The following DCLK2 variants were observed in gnomAD, a reference collection of about 807,000 sequenced individuals.
The protein encoded by DCLK2 is doublecortin like kinase 2, also known as serine/threonine-protein kinase DCLK2.
A neutral mutation model predicts 78.4 loss-of-function variants in DCLK2; 31 were observed. The ratio of observed to expected loss-of-function variants is 0.40; its 90% CI spans 0.30 to 0.53. DCLK2 has a LOEUF of 0.53. Ranked by LOEUF, DCLK2 falls within the 20% of genes least tolerant of loss-of-function variation. The pLI, the probability that DCLK2 is intolerant of heterozygous loss-of-function variation, is 0.61. For synonymous variants in DCLK2, 407 were observed against 374.9 expected (o/e 1.09, Z -0.99); for missense variants, 872 against 973.7 (o/e 0.90, Z 1.39).
chr4:150,198,113 G>A lies in DCLK2; in HGVS notation c.961+10G>A, dbSNP rs1045204719. On this transcript the variant is annotated intron_variant, in intron 4 of 15. Transcript: ENST00000296550. The stretch of plus-strand genomic sequence containing the variant: ...AAATCACCAGCTTCAGGTAGTTAAT[G>A]GAAAAGGAATAGATGGTCATAGCAG... 2 of 1,608,260 alleles carry A rather than the reference G, an allele frequency of 1.2e-6. No individual in the cohort carries two copies. Among genetic ancestry groups the A allele is most frequent in the Non-Finnish European group, 1.7e-6 (2 of 1,175,644 alleles).
At chr4:150,111,030 T>C (rs1288224456) in intron 2 of DCLK2, among the ~76,000 whole-genome samples, 2 of 152,212 alleles carry the variant, frequency 1.3e-5, no homozygotes, top group African/African-American at 4.8e-5. Context: ...AAATGGTAGA[T>C]CTACTTTTAG....
At chr4:150,098,085 T>G (rs4835620) in intron 1 of DCLK2, among the ~76,000 whole-genome samples, 150,611 of 152,230 alleles carry the variant, frequency 0.99, 74,511 homozygotes, top group East Asian at 1. Flanking sequence ...CTCTGGCTGA[T>G]TAATATTAGG....
intron 2 of DCLK2, among the ~76,000 whole-genome samples, chr4:150,138,912 C>T (rs964519086): frequency 2.2e-4 from 33 of 152,044 alleles, no homozygotes; most frequent in African/African-American, 7.2e-4. Context: ...GATCTGCCCG[C>T]CTTGGCCTCC....
At chr4:150,252,759 A>G (rs1348665043) in intron 15 of DCLK2, among the ~76,000 whole-genome samples, 1 of 152,150 alleles carries the variant, frequency 6.6e-6, no homozygotes, top group African/African-American at 2.4e-5. Flanking sequence ...TAAATGTTGT[A>G]TGTTTATGTG....
intron 1 of DCLK2, among the ~76,000 whole-genome samples, chr4:150,082,000 A>C (rs1224588689): frequency 6.7e-6 from 1 of 150,104 alleles, no homozygotes; most frequent in Admixed American, 6.6e-5. Flanking sequence ...TCTGTCTCAA[A>C]AAAAAAAAAA....
intron 2 of DCLK2, among the ~76,000 whole-genome samples, chr4:150,138,993 T>A (rs1381950278): frequency 2.5e-4 from 37 of 145,920 alleles, no homozygotes; most frequent in African/African-American, 6.0e-4. Flanking sequence ...TTTTTAAATT[T>A]AAAAAAAAAA....
At chr4:150,194,805 T>C (rs1738741984) in intron 3 of DCLK2, among the ~76,000 whole-genome samples, 1 of 152,082 alleles carries the variant, frequency 6.6e-6, no homozygotes, top group Non-Finnish European at 1.5e-5. Flanking sequence ...ATTAGAGAAC[T>C]GTACTACCAA....
At chr4:150,108,380 A>C (rs1041269622) in intron 2 of DCLK2, among the ~76,000 whole-genome samples, 12 of 151,212 alleles carry the variant, frequency 7.9e-5, no homozygotes. Flanking sequence ...GTCTCTACTA[A>C]AAATACAAAA....
At chr4:150,095,926 G>A (rs1381775997) in intron 1 of DCLK2, among the ~76,000 whole-genome samples, 1 of 152,234 alleles carries the variant, frequency 6.6e-6, no homozygotes, top group Non-Finnish European at 1.5e-5. Context: ...ATGCTGATAT[G>A]ACACTAATGT....
intron 2 of DCLK2, among the ~76,000 whole-genome samples, chr4:150,140,686 G>A (rs1258460132): frequency 2.6e-5 from 4 of 152,052 alleles, no homozygotes; most frequent in East Asian, 1.9e-4. Flanking sequence ...CTTTTCACAG[G>A]AATCCATGTA....
In DCLK2 at chr4:150,102,489, G is replaced by A. The variant is rs767818184; in HGVS notation, c.433G>A (p.Val145Met). 10 of 1,612,526 alleles carry A rather than the reference G, an allele frequency of 6.2e-6. No individual in the cohort carries two copies. Among genetic ancestry groups the A allele is most frequent in the Non-Finnish European group, 6.8e-6 (8 of 1,178,886 alleles). ...ATTTTGCTTTTTAGGTGAGAGTTAC[G>A]TGTGTGCATCCAATGAACCATTTCG... ...LDELLEGESY[V>M]CASNEPFRKV... is the part of the protein sequence containing the mutation. Residue 145 changes from valine to methionine, a missense_variant, in exon 2 of 16, where the codon GTG becomes ATG. Val to Met is a conservative substitution (Grantham distance 21). Transcript: ENST00000296550.
chr4:150,141,968 T>G (rs1308172311), intron 2 of DCLK2, among the ~76,000 whole-genome samples: 1 of 152,226 alleles, frequency 6.6e-6, no homozygotes, highest in Non-Finnish European at 1.5e-5. Flanking sequence ...GCTTGACATA[T>G]TAAATGCTTC....
intron 5 of DCLK2, among the ~76,000 whole-genome samples, chr4:150,211,807 C>G (rs559956192): frequency 6.6e-6 from 1 of 152,226 alleles, no homozygotes; most frequent in Admixed American, 6.5e-5. Flanking sequence ...TTCTGCTTGA[C>G]CCCAACCTAT....
At chr4:150,182,226 C>A (rs1233021429) in intron 2 of DCLK2, among the ~76,000 whole-genome samples, 2 of 151,886 alleles carry the variant, frequency 1.3e-5, no homozygotes, top group African/African-American at 4.8e-5. Flanking sequence ...TTTTGATTTT[C>A]TGTAGAAACA....
chr4:150,123,706 T>C (rs1732728708), intron 2 of DCLK2, among the ~76,000 whole-genome samples: 1 of 152,156 alleles, frequency 6.6e-6, no homozygotes, highest in Non-Finnish European at 1.5e-5. Flanking sequence ...GATATCCCTG[T>C]GTTTGCCTTT....
At chr4:150,178,720 A>G (rs1322224943) in intron 2 of DCLK2, among the ~76,000 whole-genome samples, 1 of 152,222 alleles carries the variant, frequency 6.6e-6, no homozygotes, top group African/African-American at 2.4e-5. Flanking sequence ...AAACTAGGAA[A>G]TAAGCAGAGA....
chr4:150,144,566 T>C (rs909335421), intron 2 of DCLK2, among the ~76,000 whole-genome samples: 1 of 151,588 alleles, frequency 6.6e-6, no homozygotes, highest in South Asian at 2.1e-4. Flanking sequence ...GATTGGGGGG[T>C]TTTTGGGCTC....
chr4:150,108,648 A>G (rs567743554), intron 2 of DCLK2, among the ~76,000 whole-genome samples: 1 of 152,308 alleles, frequency 6.6e-6, no homozygotes, highest in Admixed American at 6.5e-5. Context: ...AAATTTTTTG[A>G]AAGAGTGACA....
At chr4:150,233,243 C>G (rs542794527) in intron 10 of DCLK2, among the ~76,000 whole-genome samples, 1 of 152,062 alleles carries the variant, frequency 6.6e-6, no homozygotes. Context: ...TTTAAACCAT[C>G]GTATGTTATG....
Sources: gnomAD v4.1 joint callset for allele counts (sites outside exome capture counted in the v4.1 genomes callset) on GRCh38, gnomAD v4.1.1 for gene constraint, MANE v1.5 for transcripts, NCBI Gene and HGNC (gene_info 2026-07-23, HGNC 2026-07-21) for gene names.